The following PRKCQ variants were observed in gnomAD, a reference collection of about 807,000 sequenced individuals.
The protein encoded by PRKCQ is protein kinase C theta type.
A neutral mutation model predicts 91.2 loss-of-function variants in PRKCQ; 41 were observed. The observed-to-expected ratio is 0.45, with a 90% CI of 0.35 to 0.58. PRKCQ has a LOEUF of 0.58. PRKCQ is among the 20% of genes least tolerant of loss of function. PRKCQ has a pLI of 0.00. For synonymous variants in PRKCQ, 307 were observed against 316.9 expected (o/e 0.97, Z 0.33); for missense variants, 673 against 896.5 (o/e 0.75, Z 3.18).
At chr10:6,451,253 T>G (rs11528723) in intron 15 of PRKCQ, among the ~76,000 whole-genome samples, 1 of 144,712 alleles carries the variant, frequency 6.9e-6, no homozygotes, top group African/African-American at 2.5e-5. Context: ...ATATCACCAC[T>G]GATCCCACAG....
rs1481147097 is a variant in PRKCQ, at chr10:6,558,890, T to C, written c.-10+21321A>G. On this transcript the variant is annotated intron_variant, in intron 1 of 17. Transcript: ENST00000263125. Reference sequence around the variant, plus strand: ...TTCATTCAGAGCTGAACTAGGGCTATTGATTCTCCGGTGAGACATTTAGAG... The same window carrying C: ...TTCATTCAGAGCTGAACTAGGGCTACTGATTCTCCGGTGAGACATTTAGAG... 3.9e-5 allele frequency among the ~76,000 whole-genome samples: 6 copies of C among 152,304 alleles called. No homozygotes were observed. The East Asian group carries it at 9.7e-4, about 25-fold the overall frequency.
intron 1 of PRKCQ, among the ~76,000 whole-genome samples, chr10:6,573,268 G>A (rs987153525): frequency 1.1e-4 from 17 of 152,112 alleles, no homozygotes; most frequent in African/African-American, 3.1e-4. Flanking sequence ...AAAACAGAAC[G>A]GAAAATGTTG....
chr10:6,399,692 A>G, the PRKCQ span, among the ~76,000 whole-genome samples: 4 of 152,272 alleles, frequency 2.6e-5, no homozygotes, highest in Non-Finnish European at 5.9e-5. Flanking sequence ...AGTTCAAGCA[A>G]TTTAGACTTT....
chr10:6,437,482 TCA>T (rs1176411805), intron 16 of PRKCQ, among the ~76,000 whole-genome samples: 1 of 152,176 alleles, frequency 6.6e-6, no homozygotes, highest in Non-Finnish European at 1.5e-5. Context: ...TTTAACCCAC[TCA>T]GTCTGTGATA....
chr10:6,402,599 C>A, the PRKCQ span, among the ~76,000 whole-genome samples: 5 of 152,108 alleles, frequency 3.3e-5, no homozygotes, highest in Non-Finnish European at 7.4e-5. Flanking sequence ...TTTTTCTGTT[C>A]CGAGCTTTCT....
chr10:6,419,047 A>T, the PRKCQ span, among the ~76,000 whole-genome samples: 1 of 150,852 alleles, frequency 6.6e-6, no homozygotes, highest in Non-Finnish European at 1.5e-5. Flanking sequence ...TCATCCATCT[A>T]TCTCTATCTA....
intron 4 of PRKCQ, among the ~76,000 whole-genome samples, chr10:6,501,588 G>A (rs966144177): frequency 6.6e-6 from 1 of 151,976 alleles, no homozygotes; most frequent in African/African-American, 2.4e-5. Flanking sequence ...TTGGGAGGCC[G>A]AGGCAGGCAG....
intron 1 of PRKCQ, among the ~76,000 whole-genome samples, chr10:6,550,953 A>G (rs1440886390): frequency 6.6e-6 from 1 of 152,182 alleles, no homozygotes; most frequent in Non-Finnish European, 1.5e-5. Context: ...TAATGGGATT[A>G]TAATTTGTAT....
Position 6,576,016 on chromosome 10 carries a change from G to A in PRKCQ, c.-10+4195C>T, listed in dbSNP as rs1841220903. Among the ~76,000 whole-genome samples the A allele has an allele frequency of 6.6e-6, 1 of 152,120 alleles. No individual in the cohort carries two copies. The highest frequency in any genetic ancestry group is 2.4e-5 in the African/African-American group (1 of 41,418). On this transcript the variant is annotated intron_variant, in intron 1 of 17. Transcript: ENST00000263125. This position sits in a 1 kb window ranked among gnomAD's most constrained non-coding sequence, Gnocchi z 4.2. ...GATCATGCCACTGCACTCCAGCCTG[G>A]CGACACAGCGAGACTCCATCTCAAA...
the PRKCQ span, among the ~76,000 whole-genome samples, chr10:6,407,470 AGTGTGTGT>A: frequency 0.029 from 4,391 of 148,952 alleles, 82 homozygotes; most frequent in Non-Finnish European, 0.048. The surrounding 1 kb of genome is among the most constrained non-coding windows in gnomAD (Gnocchi z 4.0). Context: ...GTACATGTTC[AGTGTGTGT>A]GTGTGTGTGT....
chr10:6,499,555 G>A (rs1201049906), intron 4 of PRKCQ, among the ~76,000 whole-genome samples: 1 of 152,062 alleles, frequency 6.6e-6, no homozygotes, highest in Non-Finnish European at 1.5e-5. Context: ...TAACAAAAAT[G>A]ATACACAAAT....
chr10:6,482,832 TA>T (rs1836679730), intron 11 of PRKCQ, among the ~76,000 whole-genome samples: 1 of 151,880 alleles, frequency 6.6e-6, no homozygotes, highest in African/African-American at 2.4e-5. Flanking sequence ...AACTCCTCTT[TA>T]TAAAATCATC....
chr10:6,489,860 C>T (rs748788325), intron 8 of PRKCQ, among the ~76,000 whole-genome samples: 43 of 152,030 alleles, frequency 2.8e-4, no homozygotes, highest in Non-Finnish European at 5.6e-4. Flanking sequence ...CATGAAATAA[C>T]GCCCAGGAAC....
At chr10:6,562,608 G>C (rs917599375) in intron 1 of PRKCQ, among the ~76,000 whole-genome samples, 3 of 152,316 alleles carry the variant, frequency 2.0e-5, no homozygotes, top group African/African-American at 7.2e-5. Context: ...CCACTTCTCA[G>C]AATTAACTCC....
rs1206612498 is a variant in PRKCQ, at chr10:6,491,683, C to A, written c.790G>T (p.Ala264Ser). 6.2e-7 allele frequency: 1 copy of A among 1,614,016 alleles called. No homozygotes were observed. Among genetic ancestry groups the A allele is most frequent in the Non-Finnish European group, 8.5e-7 (1 of 1,180,000 alleles). Reference sequence around the variant, plus strand: ...CATGCTCATCCCCCACTGGACTCACCATCACACTTGAGTCCTTGCCGTGCC... The same window carrying A: ...CATGCTCATCCCCCACTGGACTCACAATCACACTTGAGTCCTTGCCGTGCC... ...GLARQGLKCD[A>S]CGMNVHHRCQ... Residue 264 changes from alanine to serine, a missense_variant and splice_region_variant, in exon 8 of 18, where the codon GCA becomes TCA. Physicochemically the swap from Ala to Ser is moderately conservative, Grantham distance 99. Coordinates refer to ENST00000263125, the MANE Select transcript of PRKCQ (RefSeq NM_006257.5).
intron 12 of PRKCQ, among the ~76,000 whole-genome samples, chr10:6,466,187 A>C (rs1835645384): frequency 1.3e-5 from 2 of 152,238 alleles, no homozygotes; most frequent in Admixed American, 1.3e-4. Context: ...GGATGCTTAC[A>C]AATTCCTAGA....
chr10:6,453,028 C>G (rs1164608589), intron 15 of PRKCQ, among the ~76,000 whole-genome samples: 2 of 151,856 alleles, frequency 1.3e-5, no homozygotes, highest in African/African-American at 4.8e-5. Flanking sequence ...GACTTCATGT[C>G]TAAAATACCA....
chr10:6,498,678 G>T, intron 4 of PRKCQ, 120 bp from the exon 5 acceptor site: 2 of 892,094 alleles, frequency 2.2e-6, no homozygotes, highest in Non-Finnish European at 3.4e-6. Context: ...CTGAGTACCT[G>T]CTGTAACATT....
chr10:6,426,467 G>C (rs1370647075), downstream of PRKCQ, among the ~76,000 whole-genome samples: 1 of 152,230 alleles, frequency 6.6e-6, no homozygotes, highest in African/African-American at 2.4e-5. Context: ...TGGAGCAAGG[G>C]GAGGACAAGT....
Sources: allele counts gnomAD v4.1 joint callset (sites outside exome capture counted in the v4.1 genomes callset), GRCh38; gene constraint gnomAD v4.1.1; non-coding constraint Gnocchi (gnomAD v3.1); transcripts MANE v1.5; gene names NCBI Gene and HGNC (gene_info 2026-07-23, HGNC 2026-07-21).